Variants in DIAPH2 observed in about 807,000 individuals in gnomAD.
DIAPH2 encodes protein diaphanous homolog 2.
In DIAPH2, 35 loss-of-function variants were observed where a neutral mutation model predicts 92.7. That is an observed-to-expected ratio of 0.38 (90% confidence interval 0.29 to 0.50). The LOEUF is 0.50. DIAPH2 is among the 20% of genes least tolerant of loss of function. The pLI is 0.94. For synonymous variants in DIAPH2, 301 were observed against 280.4 expected (o/e 1.07, Z -0.73); for missense variants, 701 against 819.5 (o/e 0.86, Z 1.77).
chrX:97,270,155 C>G lies in DIAPH2; in HGVS notation c.2844+22316C>G, dbSNP rs779233730. On this transcript the variant is annotated intron_variant, in intron 23 of 26. Coordinates refer to ENST00000324765, the MANE Select transcript of DIAPH2 (RefSeq NM_006729.5). ...TGTTGGTCAGGCTGGTCTTGAACTCCCAGTCTCAGGTGATCTGCCCGTCTC... is the reference window on the plus strand; with the variant it reads ...TGTTGGTCAGGCTGGTCTTGAACTCGCAGTCTCAGGTGATCTGCCCGTCTC... Among the ~76,000 whole-genome samples the G allele has an allele frequency of 7.5e-3, 834 of 110,793 alleles. 9 individuals carry two copies. Among genetic ancestry groups the G allele is most frequent in the African/African-American group, 0.026 (795 of 30,498 alleles).
At chrX:96,945,682 A>G in intron 14 of DIAPH2, 91 bp downstream of exon 14, 2 of 615,819 alleles carry the variant, frequency 3.2e-6, no homozygotes, top group Non-Finnish European at 2.4e-6. Flanking sequence ...GGGCTTCTAA[A>G]TGTTTCATTT....
chrX:97,425,640 G>A (rs888147953), intron 25 of DIAPH2, among the ~76,000 whole-genome samples: 2 of 108,931 alleles, frequency 1.8e-5, no homozygotes, highest in African/African-American at 6.7e-5. Context: ...ATTAGCTCCC[G>A]CATGGTGGTG....
chrX:97,204,980 G>GT (rs2067784060), intron 22 of DIAPH2, among the ~76,000 whole-genome samples: 1 of 110,829 alleles, frequency 9.0e-6, no homozygotes, highest in Admixed American at 9.6e-5. Context: ...CAGACATATA[G>GT]ACCAATGGAG....
chrX:97,084,468 A>G (rs1179770181), intron 19 of DIAPH2, among the ~76,000 whole-genome samples: 1 of 111,184 alleles, frequency 9.0e-6, no homozygotes, highest in Non-Finnish European at 1.9e-5. Flanking sequence ...TTCTATGTTA[A>G]TGGAAAGAAT....
At chrX:97,161,134 A>C (rs1376088689) in intron 22 of DIAPH2, among the ~76,000 whole-genome samples, 2 of 101,691 alleles carry the variant, frequency 2.0e-5, no homozygotes, top group Non-Finnish European at 3.9e-5. Flanking sequence ...AATATTATTT[A>C]ATACAGAATT....
intron 4 of DIAPH2, among the ~76,000 whole-genome samples, chrX:96,834,986 A>G (rs1250841241): frequency 5.3e-5 from 6 of 112,201 alleles, no homozygotes; most frequent in African/African-American, 1.9e-4. Context: ...TTGATCAGTT[A>G]TTTATTGAGT....
intron 17 of DIAPH2, among the ~76,000 whole-genome samples, chrX:97,041,230 T>C (rs767519192): frequency 2.7e-5 from 3 of 111,288 alleles, no homozygotes; most frequent in South Asian, 7.5e-4. Context: ...CCGATGATGA[T>C]GTTGAGGTCA....
chrX:97,303,376 T>C (rs2068722647), intron 23 of DIAPH2, among the ~76,000 whole-genome samples: 1 of 112,033 alleles, frequency 8.9e-6, no homozygotes, highest in Non-Finnish European at 1.9e-5. Flanking sequence ...GTGTATATTG[T>C]AAGACATACA....
At chrX:97,254,456 C>T (rs1405272163) in intron 23 of DIAPH2, among the ~76,000 whole-genome samples, 1 of 97,580 alleles carries the variant, frequency 1.0e-5, no homozygotes, top group Non-Finnish European at 2.0e-5. Context: ...CACACCATTG[C>T]ACTCCAGCCT....
At chrX:97,305,824 C>CAAAAAAAAAAAAAAAA (rs754094514) in intron 23 of DIAPH2, among the ~76,000 whole-genome samples, 10 of 49,196 alleles carry the variant, frequency 2.0e-4, no homozygotes, top group African/African-American at 7.4e-4. Flanking sequence ...ACTCCTTCTC[C>CAAAAAAAAAAAAAAAA]AAAAAAAAAA....
At chrX:97,547,169 G>A (rs1339174351) in intron 26 of DIAPH2, among the ~76,000 whole-genome samples, 1 of 111,291 alleles carries the variant, frequency 9.0e-6, no homozygotes, top group Non-Finnish European at 1.9e-5. Context: ...AGAGCTGAAG[G>A]CCCATTGATG....
chrX:97,154,553 A>G (rs1418555269), intron 22 of DIAPH2, among the ~76,000 whole-genome samples: 3 of 111,574 alleles, frequency 2.7e-5, no homozygotes, highest in Non-Finnish European at 3.8e-5. Flanking sequence ...TGCTATCTTT[A>G]GAATTTAGGG....
chrX:97,371,543 GGTTCCT>G (rs2069448126), intron 24 of DIAPH2, among the ~76,000 whole-genome samples: 1 of 111,430 alleles, frequency 9.0e-6, no homozygotes. Flanking sequence ...TATCAGAAGA[GGTTCCT>G]GAGGGAGATC....
chrX:96,802,757 A>G (rs186400599), intron 4 of DIAPH2, among the ~76,000 whole-genome samples: 38 of 111,651 alleles, frequency 3.4e-4, no homozygotes, highest in African/African-American at 1.1e-3. Flanking sequence ...CATGATCACA[A>G]GGTGAAGTCC....
chrX:97,470,715 G>A (rs991682602), intron 26 of DIAPH2, among the ~76,000 whole-genome samples: 3 of 108,129 alleles, frequency 2.8e-5, no homozygotes, highest in East Asian at 5.8e-4. Flanking sequence ...AAACAACCAC[G>A]CAAGAGACTC....
intron 22 of DIAPH2, among the ~76,000 whole-genome samples, chrX:97,187,280 C>CTTTTTTTTTTTTTT (rs1569323905): frequency 2.0e-4 from 2 of 10,217 alleles, no homozygotes; most frequent in African/African-American, 2.6e-4. Flanking sequence ...AATTAAGTAG[C>CTTTTTTTTTTTTTT]CTTTTTTTTT....
chrX:97,475,860 A>G (rs2070599076), intron 26 of DIAPH2, among the ~76,000 whole-genome samples: 1 of 112,280 alleles, frequency 8.9e-6, no homozygotes, highest in African/African-American at 3.2e-5. Flanking sequence ...TGTAGGGCTT[A>G]CCAAATTGAT....
intron 3 of DIAPH2, among the ~76,000 whole-genome samples, chrX:96,739,077 T>C (rs905820838): frequency 9.9e-5 from 11 of 111,527 alleles, no homozygotes; most frequent in African/African-American, 3.3e-4. Flanking sequence ...TGTGTCTGTT[T>C]CTACAAAGCA....
chrX:96,781,386 C>G (rs759479183), intron 4 of DIAPH2, among the ~76,000 whole-genome samples: 27 of 111,359 alleles, frequency 2.4e-4, no homozygotes, highest in Admixed American at 1.7e-3. Context: ...AGTTTTGCAG[C>G]CTTTCATGTT....
Sources: gnomAD v4.1 joint callset for allele counts (sites outside exome capture counted in the v4.1 genomes callset) on GRCh38, gnomAD v4.1.1 for gene constraint, MANE v1.5 for transcripts, NCBI Gene and HGNC (gene_info 2026-07-23, HGNC 2026-07-21) for gene names.